The following NBEAL1 variants were observed in gnomAD, a reference collection of about 807,000 sequenced individuals.
NBEAL1 encodes the protein neurobeachin-like protein 1.
Under a neutral mutation model 351.3 loss-of-function variants are expected in NBEAL1, and 273 were observed. The ratio of observed to expected loss-of-function variants is 0.78; its 90% CI spans 0.70 to 0.86. The LOEUF (loss-of-function observed/expected upper bound fraction) is 0.86. NBEAL1 is among the 40% of genes least tolerant of loss of function. The probability of loss-of-function intolerance (pLI) is 0.00; values close to 1 mark genes in which losing one functional copy is unlikely to be tolerated. For missense variants in NBEAL1, 2,961 were observed against 3,201.3 expected, an observed-to-expected ratio of 0.92 and a Z score of 1.81; for synonymous variants, 1,050 against 1,086.4, an observed-to-expected ratio of 0.97 and a Z score of 0.66.
chr2:203,029,459 T>C (rs1012985938), intron 2 of NBEAL1, among the ~76,000 whole-genome samples: 1 of 152,258 alleles, frequency 6.6e-6, no homozygotes, highest in Non-Finnish European at 1.5e-5. Flanking sequence ...TTATTAGTTA[T>C]CTGAATGGAT....
intron 49 of NBEAL1, 115 bp downstream of exon 49, chr2:203,199,562 T>G: frequency 3.6e-6 from 2 of 557,374 alleles, no homozygotes; most frequent in South Asian, 2.4e-5. Context: ...TTTTTTTTTT[T>G]GAGACAGAGT....
chr2:203,036,661 T>C lies in NBEAL1; in HGVS notation c.52-5104T>C, dbSNP rs146771343. 4.8e-3 allele frequency among the ~76,000 whole-genome samples: 719 copies of C among 149,330 alleles called. 32 individuals carry two copies. Among genetic ancestry groups the C allele is most frequent in the African/African-American group, 0.017 (681 of 41,166 alleles). On this transcript the variant is annotated intron_variant, in intron 2 of 55. Coordinates refer to ENST00000683969, the MANE Select transcript of NBEAL1 (RefSeq NM_001378026.1). ...TACTGTATGGCAGATATTCAAAAAA[T>C]TGTGAGTGCTTTACTTCTTAATAAA...
chr2:203,211,024 C>T lies in NBEAL1; in HGVS notation c.7852C>T (p.Gln2618Ter), dbSNP rs973653964. The T allele has an allele frequency of 2.5e-6, 4 of 1,606,068 alleles. No homozygotes were observed. The highest frequency in any genetic ancestry group is 3.4e-6 in the Non-Finnish European group (4 of 1,174,628). The change falls in exon 54 of 56, where the codon CAA becomes TAA. Residue 2618 changes from glutamine (Q) to a stop codon, truncating the protein, a stop_gained. Transcript: ENST00000683969. LOFTEE classifies it high-confidence loss of function. Reference sequence around the variant, plus strand: ...TCTAGGGTCTCAAATCCTGAAGGAACAAGTATCAGATATATGTATAATCGG... The same window carrying T: ...TCTAGGGTCTCAAATCCTGAAGGAATAAGTATCAGATATATGTATAATCGG... ...KYLGSQILKE[Q>*]VSDICIIGEH...
intron 3 of NBEAL1, among the ~76,000 whole-genome samples, chr2:203,047,314 T>C (rs951158098): frequency 3.9e-5 from 6 of 152,230 alleles, no homozygotes; most frequent in Admixed American, 1.3e-4. Context: ...TGTCATGTAC[T>C]GGCAACCTAC....
intron 19 of NBEAL1, 29 bp downstream of exon 19, chr2:203,122,372 T>C: frequency 5.2e-6 from 7 of 1,347,200 alleles, no homozygotes; most frequent in Non-Finnish European, 7.2e-6. Flanking sequence ...TTGGGCAACA[T>C]CTTACATAAT....
intron 54 of NBEAL1, among the ~76,000 whole-genome samples, chr2:203,211,956 T>G (rs180779659): frequency 8.9e-4 from 135 of 152,152 alleles, no homozygotes; most frequent in African/African-American, 3.1e-3. Flanking sequence ...GGCATGATAT[T>G]GGCTCACTGC....
chr2:203,193,476 A>G (rs1193447018), intron 46 of NBEAL1, among the ~76,000 whole-genome samples: 1 of 152,180 alleles, frequency 6.6e-6, no homozygotes, highest in Non-Finnish European at 1.5e-5. Context: ...AACTATATGT[A>G]ATCCAATATA....
At position 203,119,040 on chromosome 2, in the gene NBEAL1, C is replaced by T. The variant is rs531238795; in HGVS notation, c.2592+2970C>T. Among the ~76,000 whole-genome samples, 53 of 151,750 alleles carry T rather than the reference C, an allele frequency of 3.5e-4. 1 individual carries two copies. Among genetic ancestry groups the T allele is most frequent in the Admixed American group, 3.0e-3 (46 of 15,248 alleles). On this transcript the variant is annotated intron_variant, in intron 18 of 55. Coordinates refer to ENST00000683969, the MANE Select transcript of NBEAL1 (RefSeq NM_001378026.1). ...AAATAGCTATTGTCTTGTTTTTCCC[C>T]AAGAAACTTAATATGACTATTGATA...
chr2:203,189,843 C>A (rs1162959852), intron 45 of NBEAL1, among the ~76,000 whole-genome samples: 1 of 151,802 alleles, frequency 6.6e-6, no homozygotes, highest in Non-Finnish European at 1.5e-5. Flanking sequence ...TTTATTGAAA[C>A]TATACCAATG....
intron 55 of NBEAL1, among the ~76,000 whole-genome samples, chr2:203,214,543 G>T (rs2065866489): frequency 6.6e-6 from 1 of 152,236 alleles, no homozygotes; most frequent in South Asian, 2.1e-4. Context: ...GGGGGACCGA[G>T]ACGAGCGGAT....
chr2:203,094,395 ATTTG>A (rs964504061), intron 10 of NBEAL1, among the ~76,000 whole-genome samples: 5 of 152,146 alleles, frequency 3.3e-5, no homozygotes, highest in Non-Finnish European at 7.4e-5. Context: ...TGTTTAAATT[ATTTG>A]TTTGTTAGTA....
intron 10 of NBEAL1, among the ~76,000 whole-genome samples, chr2:203,094,039 C>T (rs1209888757): frequency 6.6e-6 from 1 of 152,080 alleles, no homozygotes; most frequent in East Asian, 1.9e-4. Context: ...TAAACTTCTT[C>T]ATTATACAAA....
chr2:203,019,950 A>T (rs1214054705), intron 2 of NBEAL1, among the ~76,000 whole-genome samples: 1 of 152,206 alleles, frequency 6.6e-6, no homozygotes, highest in Non-Finnish European at 1.5e-5. Context: ...AAAGAATTTG[A>T]GTATAAAACT....
At chr2:203,190,185 CA>C in intron 45 of NBEAL1, 106 bp from the exon 46 acceptor site, 1 of 621,858 alleles carries the variant, frequency 1.6e-6, no homozygotes, top group Non-Finnish European at 2.9e-6. Context: ...CACACACACA[CA>C]CACACACACA....
intron 45 of NBEAL1, among the ~76,000 whole-genome samples, 181 bp from the exon 46 acceptor site, chr2:203,190,111 G>C (rs62182253): frequency 6.8e-6 from 1 of 147,778 alleles, no homozygotes. Flanking sequence ...ACTCCAGCCT[G>C]GGCAACAGAG....
At chr2:203,079,216 C>G (rs1205348462) in intron 8 of NBEAL1, among the ~76,000 whole-genome samples, 1 of 152,060 alleles carries the variant, frequency 6.6e-6, no homozygotes, top group Non-Finnish European at 1.5e-5. Context: ...GGAGCTGGGA[C>G]TACAGGTGCA....
chr2:203,147,011 A>G (rs1002935427), intron 33 of NBEAL1, among the ~76,000 whole-genome samples: 6 of 152,188 alleles, frequency 3.9e-5, no homozygotes, highest in African/African-American at 1.4e-4. Flanking sequence ...CAAACTAGGA[A>G]TAGAAGGGAA....
At chr2:203,134,825 G>C (rs1009461520) in intron 27 of NBEAL1, among the ~76,000 whole-genome samples, 1 of 152,098 alleles carries the variant, frequency 6.6e-6, no homozygotes, top group Non-Finnish European at 1.5e-5. Context: ...TTTTTGTTCT[G>C]TTTGTATAAT....
rs1011843835 is a variant in NBEAL1, at chr2:203,218,565, A to G, written c.*1211A>G. 2.6e-5 allele frequency: 4 copies of G among 152,146 alleles called. No individual in the cohort carries two copies. Among genetic ancestry groups the G allele is most frequent in the Non-Finnish European group, 4.4e-5 (3 of 68,022 alleles). 9.4% of individuals were successfully genotyped at this position (152,146 alleles called of 1,614,324 possible). On this transcript the variant is annotated 3_prime_UTR_variant, in exon 56 of 56. Coordinates refer to ENST00000683969, the MANE Select transcript of NBEAL1 (RefSeq NM_001378026.1). ...ATGTTAAATGCATTTTCAGGAAGGA[A>G]TGGTTACATGGCTTTCTTTAAAGGG...
Sources: allele counts gnomAD v4.1 joint callset (sites outside exome capture counted in the v4.1 genomes callset), GRCh38; gene constraint gnomAD v4.1.1; transcripts MANE v1.5; gene names NCBI Gene and HGNC (gene_info 2026-07-23, HGNC 2026-07-21).